The following SIGLEC5 variants were observed in gnomAD, a reference collection of about 807,000 sequenced individuals.
SIGLEC5 encodes sialic acid binding Ig like lectin 5, also known as sialic acid-binding Ig-like lectin 5.
In SIGLEC5, 34 loss-of-function variants were observed where a neutral mutation model predicts 45.9. The ratio of observed to expected loss-of-function variants is 0.74; its 90% CI spans 0.56 to 0.99. SIGLEC5 has a LOEUF of 0.99. Among genes scored for constraint, SIGLEC5 ranks in the 50% least tolerant of loss-of-function variants. The pLI, the probability that SIGLEC5 is intolerant of heterozygous loss-of-function variation, is 0.00. For synonymous variants in SIGLEC5, 203 were observed against 258.6 expected (o/e 0.79, Z 2.06); for missense variants, 508 against 629.6 (o/e 0.81, Z 2.07).
At chr19:51,613,974 C>T (rs1314443047) in intron 8 of SIGLEC5, among the ~76,000 whole-genome samples, 1 of 152,128 alleles carries the variant, frequency 6.6e-6, no homozygotes, top group Non-Finnish European at 1.5e-5. Context: ...CAATTCTGAT[C>T]CTGGACCCAG....
At chr19:51,618,920 T>C (rs1983177337) in intron 8 of SIGLEC5, among the ~76,000 whole-genome samples, 1 of 151,108 alleles carries the variant, frequency 6.6e-6, no homozygotes. Flanking sequence ...TAAAAGTACA[T>C]CAAATATAAG....
In SIGLEC5 at chr19:51,627,683, G is replaced by A. The variant is rs779191122; in HGVS notation, c.1061C>T (p.Ser354Phe). The A allele has an allele frequency of 6.2e-7, 1 of 1,610,158 alleles. No homozygotes were observed. ...GGAGGGGGCCGGCCGGGCTCGAAAG[G>A]AGCATCTGCAGTGCAGACCCTCAGC... is the stretch of plus-strand genomic sequence containing the variant. ...WEAEGLHCRCSFRARPAPSLC... is the reference protein window; with the variant it reads ...WEAEGLHCRCFFRARPAPSLC... The change falls in exon 6 of 9, where the codon TCC (serine) becomes TTC (phenylalanine). Residue 354 changes from serine to phenylalanine, a missense_variant. Physicochemically the swap from Ser to Phe is radical, Grantham distance 155. Around this residue, in one of 2 missense-constraint regions of SIGLEC5, gnomAD observed 431 missense variants for 428.8 expected, o/e 1.01. Transcript: ENST00000683636.
chr19:51,625,921 A>G (rs1031215698), intron 8 of SIGLEC5, 111 bp downstream of exon 8: 3 of 768,860 alleles, frequency 3.9e-6, no homozygotes, highest in African/African-American at 1.7e-5. Context: ...AGAACAGGAG[A>G]GAAGAGAACT....
chr19:51,622,436 GC>G (rs1237882733), intron 8 of SIGLEC5, among the ~76,000 whole-genome samples: 1 of 150,174 alleles, frequency 6.7e-6, no homozygotes, highest in Non-Finnish European at 1.5e-5. Context: ...ACCGCGCCCG[GC>G]CTTGACAACC....
chr19:51,619,202 G>A (rs2122622141), intron 8 of SIGLEC5, among the ~76,000 whole-genome samples: 1 of 152,298 alleles, frequency 6.6e-6, no homozygotes, highest in African/African-American at 2.4e-5. Flanking sequence ...AGCCTCCTGA[G>A]TAGCTGGGAC....
intron 8 of SIGLEC5, among the ~76,000 whole-genome samples, chr19:51,620,852 AT>A (rs965219532): frequency 6.6e-6 from 1 of 152,058 alleles, no homozygotes; most frequent in South Asian, 2.1e-4. Context: ...TCAATGTGTG[AT>A]TTTTTTTCTT....
chr19:51,623,748 C>T (rs911296588), intron 8 of SIGLEC5, among the ~76,000 whole-genome samples: 8 of 152,094 alleles, frequency 5.3e-5, no homozygotes, highest in Non-Finnish European at 8.8e-5. Flanking sequence ...CCCAGCGATG[C>T]GGCAACTCAA....
chr19:51,618,833 A>AAAGAATT (rs1383895990), intron 8 of SIGLEC5, among the ~76,000 whole-genome samples: 1 of 150,872 alleles, frequency 6.6e-6, no homozygotes, highest in East Asian at 1.9e-4. Flanking sequence ...CTATGAAGAG[A>AAAGAATT]AAGAATTACT....
intron 8 of SIGLEC5, among the ~76,000 whole-genome samples, chr19:51,622,208 T>C (rs947604388): frequency 6.6e-6 from 1 of 151,224 alleles, no homozygotes; most frequent in Admixed American, 6.6e-5. Context: ...CTCCGCTCAC[T>C]GCAAGCTCTG....
intron 8 of SIGLEC5, among the ~76,000 whole-genome samples, chr19:51,620,460 T>C (rs907959646): frequency 6.6e-6 from 1 of 152,236 alleles, no homozygotes; most frequent in Non-Finnish European, 1.5e-5. Flanking sequence ...AGTAGTTTCA[T>C]ACCAGAAAAA....
chr19:51,619,680 A>G (rs2122622929), intron 8 of SIGLEC5, among the ~76,000 whole-genome samples: 1 of 152,308 alleles, frequency 6.6e-6, no homozygotes, highest in Non-Finnish European at 1.5e-5. Flanking sequence ...GATGAAAATG[A>G]AATTCTGAGA....
At position 51,627,821 on chromosome 19, in the gene SIGLEC5, C is replaced by T. The variant is rs769579963; in HGVS notation, c.997+13G>A. The T allele has an allele frequency of 2.4e-5, 38 of 1,590,008 alleles. No individual in the cohort carries two copies. The highest frequency in any genetic ancestry group is 3.3e-5 in the Non-Finnish European group (38 of 1,167,340). On this transcript the variant is annotated intron_variant, in intron 5 of 8. Coordinates refer to ENST00000683636, the MANE Select transcript of SIGLEC5 (RefSeq NM_003830.4). ...TACCATGCAGTTCCTGCTCCAGCTG[C>T]CCCCACACTCACAGTAAACTGAGAG...
At chr19:51,613,059 G>A (rs541269577) in intron 8 of SIGLEC5, among the ~76,000 whole-genome samples, 44 of 152,054 alleles carry the variant, frequency 2.9e-4, no homozygotes, top group African/African-American at 9.2e-4. Context: ...TGTCCCACCC[G>A]CCCAACAGAC....
chr19:51,622,268 A>T (rs1337326224), intron 8 of SIGLEC5, among the ~76,000 whole-genome samples: 1 of 150,428 alleles, frequency 6.6e-6, no homozygotes, highest in East Asian at 1.9e-4. Flanking sequence ...AGTAGCTGGG[A>T]CTACAGGTGC....
chr19:51,625,330 T>C (rs1459288217), intron 8 of SIGLEC5, among the ~76,000 whole-genome samples: 1 of 152,142 alleles, frequency 6.6e-6, no homozygotes, highest in Admixed American at 6.5e-5. Context: ...GCAAGGAACA[T>C]GGGCCTGATT....
In SIGLEC5 at chr19:51,611,363, A is replaced by G. The variant is rs1209318103; in HGVS notation, c.*868T>C. ...TGGAGGAAAAGATAGTGTAAGCCAGATGAAAGCAAGGAGGCATGGCTTCCA... is the reference window on the plus strand; with the variant it reads ...TGGAGGAAAAGATAGTGTAAGCCAGGTGAAAGCAAGGAGGCATGGCTTCCA... On this transcript the variant is annotated 3_prime_UTR_variant, in exon 9 of 9. Coordinates refer to ENST00000683636, the MANE Select transcript of SIGLEC5 (RefSeq NM_003830.4). 6.6e-6 allele frequency among the ~76,000 whole-genome samples: 1 copy of G among 152,254 alleles called. No individual in the cohort carries two copies.
chr19:51,619,271 G>A (rs1007661120), intron 8 of SIGLEC5, among the ~76,000 whole-genome samples: 13 of 151,966 alleles, frequency 8.6e-5, no homozygotes, highest in Admixed American at 3.9e-4. Flanking sequence ...TAGTAGAGAC[G>A]GGGTTTCACC....
rs1452149817 is a variant in SIGLEC5, at chr19:51,611,139, C to T, written c.*1092G>A. 5.9e-5 allele frequency among the ~76,000 whole-genome samples: 9 copies of T among 152,182 alleles called. No individual in the cohort carries two copies. Among genetic ancestry groups the T allele is most frequent in the African/African-American group, 2.2e-4 (9 of 41,432 alleles). ...CTCCACTGGAATTATCCACTCATTTCCTCATGACCACTTGCTGAAGTTTCT... is the reference window on the plus strand; with the variant it reads ...CTCCACTGGAATTATCCACTCATTTTCTCATGACCACTTGCTGAAGTTTCT... On this transcript the variant is annotated 3_prime_UTR_variant, in exon 9 of 9. Transcript: ENST00000683636.
At chr19:51,622,266 G>C (rs1057158822) in intron 8 of SIGLEC5, among the ~76,000 whole-genome samples, 2 of 151,890 alleles carry the variant, frequency 1.3e-5, no homozygotes, top group African/African-American at 4.8e-5. Context: ...CGAGTAGCTG[G>C]GACTACAGGT....
Sources: gnomAD v4.1 joint callset for allele counts (sites outside exome capture counted in the v4.1 genomes callset) on GRCh38, gnomAD v4.1.1 for gene constraint, gnomAD v4.1.1 regional missense constraint, MANE v1.5 for transcripts, NCBI Gene and HGNC (gene_info 2026-07-23, HGNC 2026-07-21) for gene names.